Variants in MRPS22 observed in about 807,000 individuals in gnomAD.
MRPS22 encodes the protein mitochondrial ribosomal protein S22, also known as small ribosomal subunit protein mS22.
In MRPS22, 30 loss-of-function variants were observed where a neutral mutation model predicts 44.0. That is an observed-to-expected ratio of 0.68 (90% confidence interval 0.51 to 0.93). The LOEUF (loss-of-function observed/expected upper bound fraction) is 0.93. MRPS22 is among the 40% of genes least tolerant of loss of function. The pLI is 0.00. For synonymous variants in MRPS22, 165 were observed against 154.4 expected (o/e 1.07, Z -0.51); for missense variants, 447 against 447.8 (o/e 1.00, Z 0.02).
rs1291288568 is a variant in MRPS22, at chr3:139,357,108, T to C, written c.*94T>C. ...GTTAAAAAATGGCCAGATTAAAAGA[T>C]ATCAATTTGTAGTTCTCCCTACAAA... is the stretch of plus-strand genomic sequence containing the variant. On this transcript the variant is annotated 3_prime_UTR_variant, in exon 8 of 8. Coordinates refer to ENST00000680020, the MANE Select transcript of MRPS22 (RefSeq NM_020191.4). 9.5e-7 allele frequency: 1 copy of C among 1,052,472 alleles called. No individual in the cohort carries two copies. Among genetic ancestry groups the C allele is most frequent in the East Asian group, 2.6e-5 (1 of 38,298 alleles). The allele number at this position is 1,052,472 out of a possible 1,614,324, so 65.2% of individuals were successfully genotyped here.
At chr3:139,353,666 T>C (rs188190769) in intron 6 of MRPS22, among the ~76,000 whole-genome samples, 2 of 152,340 alleles carry the variant, frequency 1.3e-5, no homozygotes, top group Admixed American at 6.5e-5. Context: ...AAAAAGGGCA[T>C]CATTTCTCAT....
chr3:139,355,564 C>T (rs1560009120), intron 6 of MRPS22, 118 bp from the exon 7 acceptor site: 1 of 857,160 alleles, frequency 1.2e-6, no homozygotes. Flanking sequence ...CTTCCCCAAT[C>T]CCTCCAGCCT....
intron 6 of MRPS22, among the ~76,000 whole-genome samples, chr3:139,353,571 T>A (rs954742924): frequency 1.3e-5 from 2 of 152,188 alleles, no homozygotes; most frequent in Non-Finnish European, 2.9e-5. Flanking sequence ...TAACATGTAA[T>A]ACAAACCATA....
chr3:139,344,177 C>T lies in MRPS22; in HGVS notation c.151C>T (p.Arg51Cys). ...PCSFEMGLPR[R>C]RFSSEAAESG... The stretch of plus-strand genomic sequence containing the variant: ...CTCTTTCGAGATGGGGCTGCCACGC[C>T]GCCGGTTCAGCTCCGAGGCCGGTAA... The change falls in exon 1 of 8, where the codon CGC (arginine) becomes TGC (cysteine). Residue 51 changes from arginine to cysteine, a missense_variant. Physicochemically the swap from Arg to Cys is radical, Grantham distance 180. Transcript: ENST00000680020. 1 of 1,611,172 alleles carries T rather than the reference C, an allele frequency of 6.2e-7. No individual in the cohort carries two copies. The highest frequency in any genetic ancestry group is 8.5e-7 in the Non-Finnish European group (1 of 1,179,108).
chr3:139,344,050 A>AT lies in MRPS22; in HGVS notation c.26dup (p.Leu9PhefsTer54), dbSNP rs1560004015. ...TCATGGCGCCCCTCGGAACAACTGT[A>AT]TTGCTGTGGAGCCTCTTGAGGAGTT... On this transcript the variant is annotated frameshift_variant, in exon 1 of 8. Coordinates refer to ENST00000680020, the MANE Select transcript of MRPS22 (RefSeq NM_020191.4). LOFTEE classifies it high-confidence loss of function. The AT allele has an allele frequency of 6.2e-7, 1 of 1,614,062 alleles. No individual in the cohort carries two copies. The highest frequency in any genetic ancestry group is 8.5e-7 in the Non-Finnish European group (1 of 1,180,018).
rs1419753844 is a variant in MRPS22 at position 139,356,964 on chromosome 3, A to G, written c.1033A>G (p.Thr345Ala). The change falls in exon 8 of 8, where the codon ACA becomes GCA. Residue 345 changes from threonine to alanine, a missense_variant. By Grantham distance (58) the Thr-to-Ala change is moderately conservative (BLOSUM62 0). Transcript: ENST00000680020. ...EAQKGAYIEL[T>A]LQTYQEALSR... ...ACAGAAGGGAGCCTATATAGAACTA[A>G]CACTGCAGACTTATCAAGAAGCACT... The G allele has an allele frequency of 1.9e-6, 3 of 1,613,120 alleles. No individual in the cohort carries two copies. The Admixed American group carries it at 5.0e-5, about 27-fold the overall frequency.
chr3:139,345,955 G>C (rs1941032682), intron 1 of MRPS22, among the ~76,000 whole-genome samples: 1 of 152,206 alleles, frequency 6.6e-6, no homozygotes. Flanking sequence ...ACATCGTTCA[G>C]AATCTGTAGG....
At position 139,348,301 on chromosome 3, in the gene MRPS22, A is replaced by G. The variant is rs1443186168; in HGVS notation, c.481A>G (p.Ile161Val). The change falls in exon 3 of 8, where the codon ATA becomes GTA. Residue 161 changes from isoleucine to valine, a missense_variant. By Grantham distance (29) the Ile-to-Val change is conservative. Transcript: ENST00000680020. ...TETTKYVFTDISYSIPHRERF... is the reference protein window; with the variant it reads ...TETTKYVFTDVSYSIPHRERF... ...AACAACCAAATATGTGTTTACTGAT[A>G]TATCATATAGCATACCACACCGGGT... 1.9e-6 allele frequency: 3 copies of G among 1,614,002 alleles called. No individual in the cohort carries two copies. Among genetic ancestry groups the G allele is most frequent in the Non-Finnish European group, 2.5e-6 (3 of 1,179,996 alleles).
At chr3:139,350,150 G>T (rs368128942) in intron 3 of MRPS22, 29 bp from the exon 4 acceptor site, 1 of 1,613,434 alleles carries the variant, frequency 6.2e-7, no homozygotes, top group Admixed American at 1.7e-5. Flanking sequence ...CCTCACAAAC[G>T]CATCCTTGAT....
intron 7 of MRPS22, 51 bp from the exon 8 acceptor site, chr3:139,356,868 A>AT: frequency 7.4e-6 from 10 of 1,345,746 alleles, no homozygotes; most frequent in Non-Finnish European, 1.1e-5. Context: ...GAAAAACTTT[A>AT]TAAATAGCAT....
At chr3:139,344,687 T>C in intron 1 of MRPS22, 1 of 701,198 alleles carries the variant, frequency 1.4e-6, no homozygotes, top group Non-Finnish European at 2.6e-6. Context: ...GAAATGAGAC[T>C]GAGCACAGAT....
At chr3:139,355,658 A>T (rs1167826983) in intron 6 of MRPS22, 24 bp from the exon 7 acceptor site, 3 of 1,579,836 alleles carry the variant, frequency 1.9e-6, no homozygotes, top group African/African-American at 1.3e-5. Flanking sequence ...ACCCCTAGAT[A>T]ACATTAAACC....
Position 139,344,151 on chromosome 3 carries a change from G to T in MRPS22, c.125G>T (p.Cys42Phe), listed in dbSNP as rs756183038. 1.9e-6 allele frequency: 3 copies of T among 1,613,192 alleles called. No homozygotes were observed. In the South Asian group the frequency reaches 3.3e-5, roughly 18 times the overall value. ...WHGGLLQPLPCSFEMGLPRRR... is the reference protein window; with the variant it reads ...WHGGLLQPLPFSFEMGLPRRR... ...GGTGGCCTGCTCCAACCGCTACCTT[G>T]CTCTTTCGAGATGGGGCTGCCACGC... The change falls in exon 1 of 8, where the codon TGC becomes TTC. Residue 42 changes from cysteine (C) to phenylalanine (F), a missense_variant. Coordinates refer to ENST00000680020, the MANE Select transcript of MRPS22 (RefSeq NM_020191.4).
chr3:139,345,438 G>GTT (rs55710231), intron 1 of MRPS22, among the ~76,000 whole-genome samples: 1,217 of 121,450 alleles, frequency 0.01, 13 homozygotes, highest in African/African-American at 0.025. Context: ...TGCCAGTGGT[G>GTT]TTTTTTTTTT....
intron 3 of MRPS22, chr3:139,348,587 A>G (rs755622659): frequency 4.5e-6 from 2 of 440,486 alleles, no homozygotes; most frequent in South Asian, 2.4e-5. Flanking sequence ...GAGTACACAG[A>G]TACAGACAGA....
intron 1 of MRPS22, among the ~76,000 whole-genome samples, chr3:139,345,907 A>G (rs913749995): frequency 6.6e-6 from 1 of 152,204 alleles, no homozygotes; most frequent in Non-Finnish European, 1.5e-5. Context: ...GCAGGATAGG[A>G]GAAATCATCG....
In MRPS22 at chr3:139,356,905, T is replaced by TTTAA; in HGVS notation, c.988-11_988-8dup. ...TGTCCTATTGTTTTAAAATTTTCTT[T>TTTAA]TTAATTTAAACAGGTCTTTGCAAAA... is the stretch of plus-strand genomic sequence containing the variant. On this transcript the variant is annotated splice_polypyrimidine_tract_variant and intron_variant, in intron 7 of 7. Transcript: ENST00000680020. 1 of 1,596,958 alleles carries TTTAA rather than the reference T, an allele frequency of 6.3e-7. No homozygotes were observed. Among genetic ancestry groups the TTTAA allele is most frequent in the Non-Finnish European group, 8.6e-7 (1 of 1,165,642 alleles).
Position 139,348,249 on chromosome 3 carries a change from T to G in MRPS22, c.429T>G (p.Ala143=). The change falls in exon 3 of 8, where the codon GCT becomes GCG. Residue 143 remains alanine (A), a synonymous_variant. Coordinates refer to ENST00000680020, the MANE Select transcript of MRPS22 (RefSeq NM_020191.4). ...EERVPINDVL[A]EDKILEGTET... ...GAGTACCAATAAATGATGTGTTAGC[T>G]GAAGATAAGATTTTGGAAGGAACAG... 2 of 1,614,136 alleles carry G rather than the reference T, an allele frequency of 1.2e-6. No individual in the cohort carries two copies. Among genetic ancestry groups the G allele is most frequent in the Non-Finnish European group, 1.7e-6 (2 of 1,179,976 alleles).
At chr3:139,347,110 C>A in intron 2 of MRPS22, 66 bp downstream of exon 2, 1 of 1,531,744 alleles carries the variant, frequency 6.5e-7, no homozygotes, top group Non-Finnish European at 9.0e-7. Flanking sequence ...TTTCTAGAGG[C>A]CCCTCCAGAT....
Sources: allele counts gnomAD v4.1 joint callset (sites outside exome capture counted in the v4.1 genomes callset), GRCh38; gene constraint gnomAD v4.1.1; transcripts MANE v1.5; gene names NCBI Gene and HGNC (gene_info 2026-07-23, HGNC 2026-07-21).